EML4: variants seen among roughly 807,000 people sequenced by gnomAD.
EML4 encodes EMAP like 4.
A neutral mutation model predicts 129.0 loss-of-function variants in EML4; 72 were observed. That is an observed-to-expected ratio of 0.56 (90% CI 0.46 to 0.68). The LOEUF (loss-of-function observed/expected upper bound fraction) is 0.68. Ranked by LOEUF, EML4 falls within the 30% of genes least tolerant of loss-of-function variation. The pLI, the probability that EML4 is intolerant of heterozygous loss-of-function variation, is 0.00. For synonymous variants in EML4, 532 were observed against 405.0 expected (o/e 1.31, Z -3.77); for missense variants, 1,363 against 1,190.6 (o/e 1.14, Z -2.13).
intron 2 of EML4, among the ~76,000 whole-genome samples, chr2:42,255,340 C>T (rs960232721): frequency 6.6e-6 from 1 of 152,140 alleles, no homozygotes; most frequent in African/African-American, 2.4e-5. Flanking sequence ...CCACCTCAGC[C>T]TCCCAAAGTG....
At chr2:42,287,819 C>G (rs1667394052) in intron 10 of EML4, among the ~76,000 whole-genome samples, 1 of 152,076 alleles carries the variant, frequency 6.6e-6, no homozygotes, top group Non-Finnish European at 1.5e-5. Context: ...GTCAAACTGT[C>G]AAAATTTAGT....
rs10166619 is a variant in EML4 at position 42,191,443 on chromosome 2, A to G, written c.25+21807A>G. On this transcript the variant is annotated intron_variant, in intron 1 of 22. Coordinates refer to ENST00000318522, the MANE Select transcript of EML4 (RefSeq NM_019063.5). ...TAAGGCAGGACTTTGGTCCTGTTAC[A>G]TCAAAATTTCATCCCCCTGTTAATC... Among the ~76,000 whole-genome samples, 156 of 152,256 alleles carry G rather than the reference A, an allele frequency of 1.0e-3. 1 individual carries two copies. Among genetic ancestry groups the G allele is most frequent in the African/African-American group, 3.6e-3 (150 of 41,548 alleles).
At chr2:42,282,062 T>C (rs1667042467) in intron 7 of EML4, among the ~76,000 whole-genome samples, 1 of 152,206 alleles carries the variant, frequency 6.6e-6, no homozygotes, top group Non-Finnish European at 1.5e-5. Context: ...AGATAGGCCT[T>C]CTTTTGGTCC....
chr2:42,182,063 A>G (rs1297595355), intron 1 of EML4, among the ~76,000 whole-genome samples: 3 of 150,690 alleles, frequency 2.0e-5, no homozygotes, highest in African/African-American at 7.3e-5. Flanking sequence ...CATTATGCTT[A>G]ATGTATTTAT....
intron 1 of EML4, among the ~76,000 whole-genome samples, chr2:42,184,621 G>A (rs554350868): frequency 3.9e-5 from 6 of 151,984 alleles, no homozygotes; most frequent in South Asian, 2.1e-4. Context: ...TTCTTATACC[G>A]TTATTTATTC....
intron 1 of EML4, chr2:42,170,227 C>T (rs1670189075): frequency 6.6e-6 from 1 of 152,452 alleles, no homozygotes; most frequent in Middle Eastern, 3.4e-3. Flanking sequence ...AATCCCTCCA[C>T]TTCTCTGAGC....
intron 1 of EML4, among the ~76,000 whole-genome samples, chr2:42,208,542 C>T (rs1672696348): frequency 6.6e-6 from 1 of 151,052 alleles, no homozygotes; most frequent in Non-Finnish European, 1.5e-5. Context: ...TCAAGCTATT[C>T]TCCTGCCTCA....
intron 14 of EML4, among the ~76,000 whole-genome samples, chr2:42,301,832 C>A (rs977054917): frequency 1.3e-5 from 2 of 152,042 alleles, no homozygotes; most frequent in Non-Finnish European, 1.5e-5. Flanking sequence ...GTTGCTTAAT[C>A]ACAACCTTCA....
intron 1 of EML4, among the ~76,000 whole-genome samples, chr2:42,191,191 A>T (rs1219602320): frequency 3.9e-5 from 6 of 152,216 alleles, no homozygotes; most frequent in Admixed American, 2.0e-4. Context: ...TCTTAGAATA[A>T]CCATGGGAAG....
At chr2:42,275,598 A>T (rs924192532) in intron 6 of EML4, among the ~76,000 whole-genome samples, 9 of 152,330 alleles carry the variant, frequency 5.9e-5, no homozygotes, top group African/African-American at 2.2e-4. Flanking sequence ...CTTCTTTAAT[A>T]ATTAAACTAC....
intron 1 of EML4, among the ~76,000 whole-genome samples, chr2:42,210,370 G>A (rs559343432): frequency 1.3e-5 from 2 of 152,264 alleles, no homozygotes; most frequent in African/African-American, 4.8e-5. Context: ...AGACCACAGA[G>A]GGAAAGTGCC....
At chr2:42,204,155 A>C (rs559017522) in intron 1 of EML4, among the ~76,000 whole-genome samples, 4 of 152,130 alleles carry the variant, frequency 2.6e-5, no homozygotes, top group African/African-American at 9.7e-5. Flanking sequence ...CCTGGGCTCA[A>C]GTGATCCTCC....
chr2:42,305,898 G>A (rs1668570860), intron 17 of EML4, among the ~76,000 whole-genome samples: 1 of 152,058 alleles, frequency 6.6e-6, no homozygotes, highest in Non-Finnish European at 1.5e-5. Context: ...TTTTTTTATA[G>A]CGATTTTTCC....
At chr2:42,202,921 A>G (rs1369076531) in intron 1 of EML4, among the ~76,000 whole-genome samples, 1 of 152,158 alleles carries the variant, frequency 6.6e-6, no homozygotes, top group African/African-American at 2.4e-5. Flanking sequence ...CTAGTTGCTT[A>G]GGAGGCTAAG....
chr2:42,236,783 T>G (rs959662943), intron 1 of EML4, among the ~76,000 whole-genome samples: 1 of 152,160 alleles, frequency 6.6e-6, no homozygotes, highest in Non-Finnish European at 1.5e-5. Flanking sequence ...CCAGTGATGT[T>G]GGAGAGCTTG....
intron 1 of EML4, among the ~76,000 whole-genome samples, chr2:42,222,115 T>C (rs1673643834): frequency 6.6e-6 from 1 of 152,120 alleles, no homozygotes; most frequent in Non-Finnish European, 1.5e-5. Flanking sequence ...CACCAGTGAT[T>C]TCTGATTATG....
At chr2:42,209,474 CTA>C (rs1235147840) in intron 1 of EML4, among the ~76,000 whole-genome samples, 2 of 152,110 alleles carry the variant, frequency 1.3e-5, no homozygotes, top group African/African-American at 4.8e-5. Flanking sequence ...GATAATGTAA[CTA>C]GTAGGTGGTG....
chr2:42,235,088 C>T (rs1300111013), intron 1 of EML4, among the ~76,000 whole-genome samples: 1 of 151,982 alleles, frequency 6.6e-6, no homozygotes, highest in African/African-American at 2.4e-5. Flanking sequence ...CTGAGGTCAG[C>T]AGTTTGAGAC....
At chr2:42,290,226 G>A (rs949734596) in intron 11 of EML4, among the ~76,000 whole-genome samples, 4 of 152,250 alleles carry the variant, frequency 2.6e-5, no homozygotes, top group Middle Eastern at 6.8e-3. Flanking sequence ...CCGGATTACG[G>A]GTTGACTGTC....
Sources: allele counts gnomAD v4.1 joint callset (sites outside exome capture counted in the v4.1 genomes callset), GRCh38; gene constraint gnomAD v4.1.1; transcripts MANE v1.5; gene names NCBI Gene and HGNC (gene_info 2026-07-23, HGNC 2026-07-21).